The following SF3B2 variants were observed in gnomAD, a reference collection of about 807,000 sequenced individuals.
SF3B2 encodes the protein splicing factor 3b subunit 2.
SF3B2 carries 22 observed loss-of-function variants against 116.3 expected under a neutral mutation model. The ratio of observed to expected loss-of-function variants is 0.19; its 90% CI spans 0.14 to 0.27. The LOEUF is 0.27. SF3B2 is among the 10% of genes least tolerant of loss of function. The pLI, the probability that SF3B2 is intolerant of heterozygous loss-of-function variation, is 1.00. For missense variants in SF3B2, 767 were observed against 1,151.4 expected (o/e 0.67, Z 4.83); for synonymous variants, 406 against 421.6 (o/e 0.96, Z 0.45).
rs780242947 is a variant in SF3B2, at chr11:66,058,379, G to A, written c.940G>A (p.Asp314Asn). The A allele has an allele frequency of 1.2e-6, 2 of 1,614,032 alleles. No individual in the cohort carries two copies. Among genetic ancestry groups the A allele is most frequent in the East Asian group, 2.2e-5 (1 of 44,886 alleles). ...LGQSASETEE[D>N]TVSVSKKEKN... Reference sequence around the variant, plus strand: ...CCAGTCAGCGTCAGAGACTGAGGAGGACACAGTGTCCGTATCTAAAAAGGA... The same window carrying A: ...CCAGTCAGCGTCAGAGACTGAGGAGAACACAGTGTCCGTATCTAAAAAGGA... The change falls in exon 9 of 22, where the codon GAC becomes AAC. Residue 314 changes from aspartate to asparagine, a missense_variant. This residue lies in a region of SF3B2 where 455 missense variants were observed against 537.5 expected (regional missense o/e 0.85). Coordinates refer to ENST00000322535, the MANE Select transcript of SF3B2 (RefSeq NM_006842.3).
At chr11:66,068,090 C>A in intron 20 of SF3B2, 45 bp downstream of exon 20, 1 of 1,610,798 alleles carries the variant, frequency 6.2e-7, no homozygotes, top group Non-Finnish European at 8.5e-7. Flanking sequence ...AGAAAGGCAG[C>A]AGAAGCTAGG....
At chr11:66,067,810 T>C in intron 19 of SF3B2, 136 bp from the exon 20 acceptor site, 2 of 690,780 alleles carry the variant, frequency 2.9e-6, no homozygotes, top group Non-Finnish European at 5.0e-6. Context: ...TGGGCAGAAC[T>C]GCAGAGGCTG....
rs1857102815 is a variant in SF3B2, at chr11:66,061,727, A to C, written c.1821A>C (p.Gly607=). 1 of 1,614,102 alleles carries C rather than the reference A, an allele frequency of 6.2e-7. No individual in the cohort carries two copies. Among genetic ancestry groups the C allele is most frequent in the Admixed American group, 1.7e-5 (1 of 60,010 alleles). Residue 607 remains glycine (G), a synonymous_variant, in exon 15 of 22, where the codon GGA becomes GGC. Transcript: ENST00000322535. ...FETRLKEKKP[G]DLSDELRISL... is the part of the protein sequence containing the mutation. ...CACGACTGAAGGAGAAGAAGCCAGG[A>C]GATCTGTCTGATGAGCTAAGGATTT...
chr11:66,055,613 C>A, intron 5 of SF3B2, 28 bp downstream of exon 5: 2 of 1,610,856 alleles, frequency 1.2e-6, no homozygotes, highest in Non-Finnish European at 1.7e-6. Flanking sequence ...AACCTTTGAC[C>A]TCGTGGTCCA....
chr11:66,068,714 G>T lies in SF3B2; in HGVS notation c.2657G>T (p.Gly886Val). 2.4e-5 allele frequency: 39 copies of T among 1,614,090 alleles called. No homozygotes were observed. The highest frequency in any genetic ancestry group is 3.2e-5 in the Non-Finnish European group (38 of 1,180,012). ...RKAQPQDSRG[G>V]SKKYKEFKF ...GCTCAGCCCCAGGACAGCCGTGGGGGCAGCAAGAAATATAAGGAGTTCAAG... is the reference window on the plus strand; with the variant it reads ...GCTCAGCCCCAGGACAGCCGTGGGGTCAGCAAGAAATATAAGGAGTTCAAG... Residue 886 changes from glycine to valine, a missense_variant, in exon 22 of 22, where the codon GGC becomes GTC. Physicochemically the swap from Gly to Val is moderately radical, Grantham distance 109. Coordinates refer to ENST00000322535, the MANE Select transcript of SF3B2 (RefSeq NM_006842.3).
chr11:66,068,763 C>CT lies in SF3B2; in HGVS notation c.*25dup, dbSNP rs762428581. On this transcript the variant is annotated 3_prime_UTR_variant, in exon 22 of 22. Coordinates refer to ENST00000322535, the MANE Select transcript of SF3B2 (RefSeq NM_006842.3). ...AGTTTTAGGTCCCCTCACACTAGCC[C>CT]TTTTTTTGGCCCTACGTCTGGATGC... 5.0e-6 allele frequency: 8 copies of CT among 1,608,432 alleles called. No homozygotes were observed. The highest frequency in any genetic ancestry group is 6.8e-6 in the Non-Finnish European group (8 of 1,175,388).
rs189167520 is a variant in SF3B2 at position 66,059,105 on chromosome 11, G to A, written c.1182+60G>A. ...AAACAGGGAAGGGGCTCAGAGGTGG[G>A]TGAGAGGCAGCGGTGAACAGGCATC... On this transcript the variant is annotated intron_variant, in intron 10 of 21. Transcript: ENST00000322535. The surrounding 1 kb of genome is among the most constrained non-coding windows in gnomAD (Gnocchi z 5.0). 8.8e-5 allele frequency: 141 copies of A among 1,608,520 alleles called. No homozygotes were observed. The African/African-American group carries it at 1.6e-3, about 18-fold the overall frequency.
At chr11:66,058,224 C>G in intron 8 of SF3B2, 74 bp downstream of exon 8, 1 of 1,577,780 alleles carries the variant, frequency 6.3e-7, no homozygotes, top group Non-Finnish European at 8.7e-7. Flanking sequence ...CCCTCTGTCC[C>G]TTTCCCTGGC....
Position 66,058,324 on chromosome 11 carries a change from A to G in SF3B2, c.885A>G (p.Glu295=). The change falls in exon 9 of 22, where the codon GAA becomes GAG. Residue 295 remains glutamate, a synonymous_variant. Coordinates refer to ENST00000322535, the MANE Select transcript of SF3B2 (RefSeq NM_006842.3). The part of the protein sequence containing the change: ...EEMNSQQEEE[E]METDARSSLG... ...CCTTCTTCCTTACAGAGGAAGAGGA[A>G]ATGGAAACAGATGCTCGCTCGTCCC... 1.2e-6 allele frequency: 2 copies of G among 1,613,998 alleles called. No individual in the cohort carries two copies. The highest frequency in any genetic ancestry group is 2.2e-5 in the South Asian group (2 of 91,080).
At chr11:66,058,698 T>G (rs1020383058) in intron 9 of SF3B2, 132 bp from the exon 10 acceptor site, 1 of 785,006 alleles carries the variant, frequency 1.3e-6, no homozygotes, top group African/African-American at 1.8e-5. Context: ...TCGCAGCTAC[T>G]TCATGAGATG....
rs975604759 is a variant in SF3B2 at position 66,052,456 on chromosome 11, T to C, written c.72T>C (p.Tyr24=). The C allele has an allele frequency of 1.4e-5, 23 of 1,613,566 alleles. No homozygotes were observed. The highest frequency in any genetic ancestry group is 1.8e-5 in the Non-Finnish European group (21 of 1,179,900). Residue 24 remains tyrosine (Y), a synonymous_variant, in exon 1 of 22, where the codon TAT becomes TAC. Coordinates refer to ENST00000322535, the MANE Select transcript of SF3B2 (RefSeq NM_006842.3). ...QLPPPPPPGH[Y]GAWAAQELQA... ...CGCCGCCGCCACCTCCAGGCCACTA[T>C]GGCGCCTGGGCTGCCCAGGAGCTTC...
rs185900205 is a variant in SF3B2, at chr11:66,062,975, A to G, written c.1978-34A>G. The G allele has an allele frequency of 2.3e-5, 34 of 1,456,724 alleles. No homozygotes were observed. The Middle Eastern group carries it at 5.3e-4, about 23-fold the overall frequency. 90.2% of individuals were successfully genotyped at this position (1,456,724 alleles called of 1,614,324 possible). On this transcript the variant is annotated intron_variant, in intron 16 of 21. Transcript: ENST00000322535. Reference sequence around the variant, plus strand: ...GGGCTTCAGAATTTCTTTTGCAGCTAAGGAGTGAACTGATTGTGCTCACTG... The same window carrying G: ...GGGCTTCAGAATTTCTTTTGCAGCTGAGGAGTGAACTGATTGTGCTCACTG...
At chr11:66,058,618 G>T in intron 9 of SF3B2, 1 of 630,454 alleles carries the variant, frequency 1.6e-6, no homozygotes, top group Non-Finnish European at 2.8e-6. Flanking sequence ...GTTCTGAGAC[G>T]CACAGTAATT....
rs760926806 is a variant in SF3B2 at position 66,059,773 on chromosome 11, G to A, written c.1402-9G>A. On this transcript the variant is annotated splice_polypyrimidine_tract_variant and intron_variant, in intron 12 of 21. Coordinates refer to ENST00000322535, the MANE Select transcript of SF3B2 (RefSeq NM_006842.3). This position sits in a 1 kb window ranked among gnomAD's most constrained non-coding sequence, Gnocchi z 5.0. ...CTCTCGAGAACACGCATTACTATGTGTTTTCCAGCTGGTGGCTCGGCCCGA... is the reference window on the plus strand; with the variant it reads ...CTCTCGAGAACACGCATTACTATGTATTTTCCAGCTGGTGGCTCGGCCCGA... 3.1e-6 allele frequency: 5 copies of A among 1,614,056 alleles called. No individual in the cohort carries two copies. The highest frequency in any genetic ancestry group is 3.3e-5 in the Admixed American group (2 of 60,008).
chr11:66,056,730 C>T (rs773030243), intron 5 of SF3B2, 108 bp from the exon 6 acceptor site: 212 of 784,602 alleles, frequency 2.7e-4, no homozygotes, highest in Non-Finnish European at 4.2e-4. Flanking sequence ...CCAAGTGGTT[C>T]GTGATTGTTC....
chr11:66,062,553 G>A (rs1232255777), intron 16 of SF3B2, among the ~76,000 whole-genome samples: 2 of 59,050 alleles, frequency 3.4e-5, no homozygotes, highest in African/African-American at 1.0e-4. Flanking sequence ...TTTATCTCAA[G>A]AATGTCTTCA....
chr11:66,055,784 T>C, intron 5 of SF3B2, 199 bp downstream of exon 5: 1 of 533,222 alleles, frequency 1.9e-6, no homozygotes, highest in Non-Finnish European at 3.3e-6. Context: ...GTGTATGGCC[T>C]ATGAGCTAAA....
Position 66,059,435 on chromosome 11 carries a change from G to C in SF3B2, c.1321-80G>C. The C allele has an allele frequency of 6.2e-7, 1 of 1,608,034 alleles. No individual in the cohort carries two copies. The highest frequency in any genetic ancestry group is 8.5e-7 in the Non-Finnish European group (1 of 1,174,766). On this transcript the variant is annotated intron_variant, in intron 11 of 21. Transcript: ENST00000322535. The surrounding 1 kb of genome is among the most constrained non-coding windows in gnomAD (Gnocchi z 5.0). ...CCATGGTGAACTCTTACAGAGCTTT[G>C]GTGGCTTAAGGTTGGGGTGGGTTGG... is the stretch of plus-strand genomic sequence containing the variant.
chr11:66,057,841 G>A (rs1388991538), intron 7 of SF3B2, among the ~76,000 whole-genome samples: 2 of 151,824 alleles, frequency 1.3e-5, no homozygotes, highest in African/African-American at 4.8e-5. Flanking sequence ...GTGTGGTGGT[G>A]CATGCCTGTA....
Sources: allele counts gnomAD v4.1 joint callset (sites outside exome capture counted in the v4.1 genomes callset), GRCh38; gene constraint gnomAD v4.1.1; regional missense constraint gnomAD v4.1.1; non-coding constraint Gnocchi (gnomAD v3.1); transcripts MANE v1.5; gene names NCBI Gene and HGNC (gene_info 2026-07-23, HGNC 2026-07-21).